FBP1: variants seen among roughly 807,000 people sequenced by gnomAD.
FBP1 encodes fructose-1,6-bisphosphatase 1.
FBP1 carries 22 observed loss-of-function variants against 29.9 expected under a neutral mutation model. The observed-to-expected ratio is 0.74, with a 90% CI of 0.53 to 1.05. FBP1 has a LOEUF of 1.05. Ranked by LOEUF, FBP1 falls within the 50% of genes least tolerant of loss-of-function variation. FBP1 has a pLI of 0.00. For missense variants in FBP1, 345 were observed against 448.2 expected (o/e 0.77, Z 2.08); for synonymous variants, 175 against 178.6 (o/e 0.98, Z 0.16).
At chr9:94,628,933 T>C (rs139237192) in intron 1 of FBP1, among the ~76,000 whole-genome samples, 346 of 152,330 alleles carry the variant, frequency 2.3e-3, no homozygotes, top group Middle Eastern at 0.014. Flanking sequence ...AAAACAAGTA[T>C]ATATTACATG....
chr9:94,606,447 C>A (rs1827701559), intron 5 of FBP1, among the ~76,000 whole-genome samples: 1 of 152,204 alleles, frequency 6.6e-6, no homozygotes, highest in Non-Finnish European at 1.5e-5. Context: ...GTTTTACTGC[C>A]ATGAATTCAT....
Position 94,606,865 on chromosome 9 carries a change from C to T in FBP1, c.655G>A (p.Asp219Asn). ...IYSLNEGYAR[D>N]FDPAVTEYIQ... Reference sequence around the variant, plus strand: ...TACTCAGTGACGGCAGGGTCAAAGTCCCTGGCGTAGCCCTCGTTAAGGCTG... The same window carrying T: ...TACTCAGTGACGGCAGGGTCAAAGTTCCTGGCGTAGCCCTCGTTAAGGCTG... Residue 219 changes from aspartate to asparagine, a missense_variant, in exon 5 of 7, where the codon GAC becomes AAC. Transcript: ENST00000375326. 4 of 1,614,024 alleles carry T rather than the reference C, an allele frequency of 2.5e-6. No homozygotes were observed. The highest frequency in any genetic ancestry group is 3.4e-6 in the Non-Finnish European group (4 of 1,179,910).
chr9:94,617,908 AC>A, intron 2 of FBP1, 48 bp from the exon 3 acceptor site: 1 of 1,380,946 alleles, frequency 7.2e-7, no homozygotes. Context: ...ATAGCAAGAT[AC>A]ACTAAAGGAG....
At position 94,639,496 on chromosome 9, in the gene FBP1, C is replaced by T; in HGVS notation, c.-186G>A. ...CGACTGCCGCCCCGAGTGTCCGCAGCGCTCGTGGTGCAACTGGGCCAGGCC... is the reference window on the plus strand; with the variant it reads ...CGACTGCCGCCCCGAGTGTCCGCAGTGCTCGTGGTGCAACTGGGCCAGGCC... On this transcript the variant is annotated 5_prime_UTR_variant, in exon 1 of 7. Transcript: ENST00000375326. 1.4e-6 allele frequency: 1 copy of T among 696,154 alleles called. No individual in the cohort carries two copies. The highest frequency in any genetic ancestry group is 2.5e-6 in the Non-Finnish European group (1 of 403,336). The allele number at this position is 696,154 out of a possible 1,614,324, so 43.1% of individuals were successfully genotyped here.
At chr9:94,636,438 A>C (rs193262464) in intron 1 of FBP1, among the ~76,000 whole-genome samples, 113 of 152,198 alleles carry the variant, frequency 7.4e-4, no homozygotes, top group African/African-American at 2.6e-3. Flanking sequence ...TTATCACACC[A>C]CTGCACTCCA....
At chr9:94,635,517 A>G (rs1437891530) in intron 1 of FBP1, among the ~76,000 whole-genome samples, 8 of 152,228 alleles carry the variant, frequency 5.3e-5, no homozygotes, top group Admixed American at 6.5e-5. Flanking sequence ...ATGCTCTTCT[A>G]GGTCCGGTCT....
chr9:94,610,139 G>C, intron 3 of FBP1, 78 bp from the exon 4 acceptor site: 4 of 1,447,824 alleles, frequency 2.8e-6, no homozygotes, highest in Non-Finnish European at 3.8e-6. Context: ...TTAACAGGAG[G>C]CATTCTCAAG....
intron 3 of FBP1, among the ~76,000 whole-genome samples, chr9:94,615,128 G>A (rs1376833846): frequency 2.0e-5 from 3 of 151,978 alleles, no homozygotes; most frequent in East Asian, 1.9e-4. Flanking sequence ...CAGGATGGTC[G>A]CAATCTCCTG....
rs1827710551 is a variant in FBP1, at chr9:94,606,923, C to T, written c.597G>A (p.Lys199=). The T allele has an allele frequency of 2.5e-6, 4 of 1,614,006 alleles. No homozygotes were observed. Among genetic ancestry groups the T allele is most frequent in the Middle Eastern group, 1.6e-4 (1 of 6,084 alleles). The change falls in exon 5 of 7, where the codon AAG becomes AAA. Residue 199 remains lysine, a synonymous_variant. Transcript: ENST00000375326. ...PAIGEFILVD[K]DVKIKKKGKI... Reference sequence around the variant, plus strand: ...TACCTTTCTTTTTTATCTTCACATCCTTGTCCACCAAAATGAACTCCCCGA... The same window carrying T: ...TACCTTTCTTTTTTATCTTCACATCTTTGTCCACCAAAATGAACTCCCCGA...
intron 1 of FBP1, 25 bp downstream of exon 1, chr9:94,639,116 G>T (rs781090375): frequency 6.3e-7 from 1 of 1,576,386 alleles, no homozygotes; most frequent in Admixed American, 1.8e-5. Context: ...ACAGGACGGG[G>T]CCCACCGCCC....
rs28402374 is a variant in FBP1 at position 94,637,894 on chromosome 9, C to T, written c.170+1247G>A. Among the ~76,000 whole-genome samples, 1,408 of 151,794 alleles carry T rather than the reference C, an allele frequency of 9.3e-3. 23 individuals carry two copies. The highest frequency in any genetic ancestry group is 0.033 in the African/African-American group (1,350 of 41,420). On this transcript the variant is annotated intron_variant, in intron 1 of 6. Coordinates refer to ENST00000375326, the MANE Select transcript of FBP1 (RefSeq NM_000507.4). ...GGTCGGGAGTTCGAGACCAGCCTGA[C>T]CAACATGGAGAAACCCCGTTTCTAC...
At chr9:94,611,150 A>C (rs1204183540) in intron 3 of FBP1, among the ~76,000 whole-genome samples, 2 of 152,200 alleles carry the variant, frequency 1.3e-5, no homozygotes, top group African/African-American at 4.8e-5. Context: ...GGCGTGAGCC[A>C]CTGCGCCCAG....
chr9:94,622,382 C>CT (rs1241597201), intron 1 of FBP1, among the ~76,000 whole-genome samples: 1 of 152,242 alleles, frequency 6.6e-6, no homozygotes, highest in East Asian at 1.9e-4. Flanking sequence ...CACCCGCGCC[C>CT]TTGGCCATGA....
At chr9:94,630,689 C>T (rs992285241) in intron 1 of FBP1, among the ~76,000 whole-genome samples, 2 of 152,184 alleles carry the variant, frequency 1.3e-5, no homozygotes, top group African/African-American at 4.8e-5. Flanking sequence ...TTACCGTTTC[C>T]ACCTCTAGCT....
chr9:94,616,934 TTC>T (rs553480504), intron 3 of FBP1, among the ~76,000 whole-genome samples: 14 of 102,888 alleles, frequency 1.4e-4, no homozygotes, highest in East Asian at 3.7e-4. Context: ...CTCTCTCTCT[TTC>T]TCTCTCTCTC....
At chr9:94,618,375 C>G (rs1208172501) in intron 2 of FBP1, among the ~76,000 whole-genome samples, 2 of 142,156 alleles carry the variant, frequency 1.4e-5, no homozygotes, top group Non-Finnish European at 3.0e-5. Flanking sequence ...AATCCTAGCA[C>G]TTTGGGAGGC....
chr9:94,614,829 T>C (rs1370650876), intron 3 of FBP1, among the ~76,000 whole-genome samples: 1 of 152,204 alleles, frequency 6.6e-6, no homozygotes. Flanking sequence ...TTTCAAGCAA[T>C]CAATAAGGCT....
intron 4 of FBP1, among the ~76,000 whole-genome samples, chr9:94,609,602 C>G (rs1302574217): frequency 6.6e-6 from 1 of 152,182 alleles, no homozygotes; most frequent in Non-Finnish European, 1.5e-5. Context: ...CCTTCCTTCC[C>G]CAGCACACTT....
Position 94,639,366 on chromosome 9 carries a change from A to G in FBP1, c.-56T>C. On this transcript the variant is annotated 5_prime_UTR_variant, in exon 1 of 7. Coordinates refer to ENST00000375326, the MANE Select transcript of FBP1 (RefSeq NM_000507.4). ...GTGCAAGCGGCAGGTGCGGGGCTGC[A>G]GGTGCGGGCGGCAAGAGAGGGCAGT... 1.3e-6 allele frequency: 2 copies of G among 1,562,212 alleles called. No individual in the cohort carries two copies. Among genetic ancestry groups the G allele is most frequent in the Admixed American group, 3.8e-5 (2 of 53,058 alleles).
Sources: gnomAD v4.1 joint callset for allele counts (sites outside exome capture counted in the v4.1 genomes callset) on GRCh38, gnomAD v4.1.1 for gene constraint, MANE v1.5 for transcripts, NCBI Gene and HGNC (gene_info 2026-07-23, HGNC 2026-07-21) for gene names.